EED: variants seen among roughly 807,000 people sequenced by gnomAD.
The protein encoded by EED is polycomb protein EED.
Under a neutral mutation model 61.0 loss-of-function variants are expected in EED, and 9 were observed. That is an observed-to-expected ratio of 0.15 (90% confidence interval 0.09 to 0.26). The LOEUF (loss-of-function observed/expected upper bound fraction) is 0.26, where lower values mean the gene tolerates loss of function less well. EED is among the 10% of genes least tolerant of loss of function. The pLI is 1.00. For synonymous variants in EED, 187 were observed against 174.4 expected, an observed-to-expected ratio of 1.07 and a Z score of -0.57; for missense variants, 315 against 542.3, an observed-to-expected ratio of 0.58 and a Z score of 4.16.
At chr11:86,285,973 G>C in the EED span, among the ~76,000 whole-genome samples, 1,246 of 152,214 alleles carry the variant, frequency 8.2e-3, 11 homozygotes, top group South Asian at 0.015. Flanking sequence ...ATTGATATTT[G>C]TGTCTCATAC....
intron 9 of EED, among the ~76,000 whole-genome samples, chr11:86,271,735 A>G (rs1593764513): frequency 6.6e-6 from 1 of 152,104 alleles, no homozygotes; most frequent in Admixed American, 6.6e-5. Context: ...TCATCAGTTT[A>G]TATGCTCATA....
chr11:86,257,453 T>A, intron 5 of EED, 62 bp from the exon 6 acceptor site: 1 of 1,370,790 alleles, frequency 7.3e-7, no homozygotes, highest in Non-Finnish European at 1.0e-6. Flanking sequence ...CTCTAAAGAT[T>A]TATGAAAAAA....
Position 86,245,233 on chromosome 11 carries a change from T to A in EED, c.4T>A (p.Ser2Thr), listed in dbSNP as rs745543096. 1 of 1,612,920 alleles carries A rather than the reference T, an allele frequency of 6.2e-7. No individual in the cohort carries two copies. Among genetic ancestry groups the A allele is most frequent in the Non-Finnish European group, 8.5e-7 (1 of 1,179,706 alleles). ...ACCTGGAGGGAGGCGGAGGAATATGTCCGAGAGGGAAGTGTCGACTGCGCC... is the reference window on the plus strand; with the variant it reads ...ACCTGGAGGGAGGCGGAGGAATATGACCGAGAGGGAAGTGTCGACTGCGCC... M[S>T]EREVSTAPAG... Residue 2 changes from serine to threonine, a missense_variant, in exon 1 of 12, where the codon TCC (serine) becomes ACC (threonine). Ser to Thr is a moderately conservative substitution (Grantham distance 58). Transcript: ENST00000263360.
chr11:86,270,158 G>A, intron 9 of EED: 1 of 700,252 alleles, frequency 1.4e-6, no homozygotes, highest in Admixed American at 2.0e-5. Context: ...CCAGCATTTG[G>A]TATTGTCATT....
chr11:86,284,295 A>G, the EED span: 1 of 152,228 alleles, frequency 6.6e-6, no homozygotes, highest in Admixed American at 6.5e-5. Flanking sequence ...TGGCATCCCT[A>G]CACTCCATAG....
chr11:86,253,914 A>G (rs1945598038), intron 3 of EED, among the ~76,000 whole-genome samples: 1 of 151,726 alleles, frequency 6.6e-6, no homozygotes, highest in Admixed American at 6.6e-5. Flanking sequence ...TGGGCATGAT[A>G]GCGAGTGCCT....
At chr11:86,255,343 T>C in intron 4 of EED, 56 bp downstream of exon 4, 2 of 1,381,328 alleles carry the variant, frequency 1.4e-6, no homozygotes, top group South Asian at 1.3e-5. Context: ...TTTCAATAAG[T>C]GCACCAAAAC....
At chr11:86,263,297 A>T (rs1217733588) in intron 6 of EED, among the ~76,000 whole-genome samples, 1 of 152,136 alleles carries the variant, frequency 6.6e-6, no homozygotes, top group Non-Finnish European at 1.5e-5. Flanking sequence ...CCCTCACTGG[A>T]ATTACCCTCA....
chr11:86,249,069 A>C (rs1296689236), intron 1 of EED, among the ~76,000 whole-genome samples: 1 of 152,316 alleles, frequency 6.6e-6, no homozygotes, highest in African/African-American at 2.4e-5. Context: ...AGGATGTGCT[A>C]TATAGATAAT....
chr11:86,247,628 T>A (rs1945424610), intron 1 of EED, among the ~76,000 whole-genome samples: 1 of 152,220 alleles, frequency 6.6e-6, no homozygotes, highest in East Asian at 1.9e-4. Flanking sequence ...AGATGCAATT[T>A]TTTTTCCCCA....
intron 6 of EED, among the ~76,000 whole-genome samples, chr11:86,259,379 C>G (rs1565694925): frequency 1.6e-5 from 2 of 124,818 alleles, no homozygotes; most frequent in South Asian, 2.8e-4. Context: ...GGGTCTTGCC[C>G]AGTCACCCAG....
intron 7 of EED, chr11:86,264,699 A>T (rs1945931424): frequency 6.5e-6 from 1 of 152,940 alleles, no homozygotes; most frequent in South Asian, 2.1e-4. Flanking sequence ...TAGGTAACTT[A>T]TTTCTAGCCA....
chr11:86,281,415 T>A (rs937597626), downstream of EED, among the ~76,000 whole-genome samples: 7 of 152,186 alleles, frequency 4.6e-5, no homozygotes, highest in Admixed American at 6.5e-5. Context: ...TTCATTTTTT[T>A]ATTTTCTATT....
chr11:86,277,828 T>G, intron 10 of EED, 90 bp from the exon 11 acceptor site: 1 of 1,313,072 alleles, frequency 7.6e-7, no homozygotes, highest in South Asian at 1.8e-5. Context: ...GAGCTTTTTC[T>G]GAAACAAGAA....
intron 6 of EED, among the ~76,000 whole-genome samples, chr11:86,263,700 A>C (rs1161090372): frequency 6.6e-6 from 1 of 152,142 alleles, no homozygotes; most frequent in East Asian, 1.9e-4. Context: ...ATAATGAACA[A>C]AAATTTATTT....
At chr11:86,245,624 T>A (rs934510633) in intron 1 of EED, among the ~76,000 whole-genome samples, 4 of 151,682 alleles carry the variant, frequency 2.6e-5, no homozygotes, top group African/African-American at 9.7e-5. Flanking sequence ...TTTTGGCCTT[T>A]GGGGGGATTT....
At chr11:86,280,279 C>T (rs917933209), downstream of EED, among the ~76,000 whole-genome samples, 7 of 151,888 alleles carry the variant, frequency 4.6e-5, no homozygotes, top group Non-Finnish European at 1.0e-4. Context: ...TTAGTAGAGG[C>T]GGGGTTTTAT....
chr11:86,270,138 C>T (rs1326406426), intron 9 of EED: 7 of 700,136 alleles, frequency 1.0e-5, no homozygotes, highest in African/African-American at 3.5e-5. Context: ...CCAGTGTCTC[C>T]GAATCTTCGC....
Position 86,244,965 on chromosome 11 carries a change from GA to G in EED, c.-261del. On this transcript the variant is annotated 5_prime_UTR_variant, in exon 1 of 12. Coordinates refer to ENST00000263360, the MANE Select transcript of EED (RefSeq NM_003797.5). ...GTGTAGACTGCCGGGAGGGCGGCGG[GA>G]AAAGGGCAAGACGGGAGTTGGGGAA... is the stretch of plus-strand genomic sequence containing the variant. 2 of 393,290 alleles carry G rather than the reference GA, an allele frequency of 5.1e-6. No individual in the cohort carries two copies. The highest frequency in any genetic ancestry group is 9.1e-6 in the Non-Finnish European group (2 of 219,332). The allele number at this position is 393,290 out of a possible 1,614,324, so 24.4% of individuals were successfully genotyped here.
Sources: allele counts gnomAD v4.1 joint callset (sites outside exome capture counted in the v4.1 genomes callset), GRCh38; gene constraint gnomAD v4.1.1; transcripts MANE v1.5; gene names NCBI Gene and HGNC (gene_info 2026-07-23, HGNC 2026-07-21).